AP1G1: variants seen among roughly 807,000 people sequenced by gnomAD.
The protein encoded by AP1G1 is adaptor related protein complex 1 subunit gamma 1.
AP1G1 carries 7 observed loss-of-function variants against 108.3 expected under a neutral mutation model. That is an observed-to-expected ratio of 0.06 (90% CI 0.04 to 0.12). The LOEUF (loss-of-function observed/expected upper bound fraction) is 0.12, where lower values mean the gene tolerates loss of function less well. AP1G1 is among the 10% of genes least tolerant of loss of function. AP1G1 has a pLI of 1.00. For missense variants in AP1G1, 756 were observed against 1,010.7 expected, an observed-to-expected ratio of 0.75 and a Z score of 3.42; for synonymous variants, 379 against 353.5, an observed-to-expected ratio of 1.07 and a Z score of -0.81.
At chr16:71,758,950 G>A (rs1273825510) in intron 10 of AP1G1, 29 bp from the exon 11 acceptor site, 1 of 1,309,066 alleles carries the variant, frequency 7.6e-7, no homozygotes, top group Non-Finnish European at 1.1e-6. Flanking sequence ...AAATAACAGA[G>A]TTAAAATGTA....
At chr16:71,747,241 G>A (rs1018139910) in intron 16 of AP1G1, 11 of 152,100 alleles carry the variant, frequency 7.2e-5, no homozygotes, top group African/African-American at 1.5e-4. Context: ...AGTGACCTGA[G>A]AATCTACTTT....
At chr16:71,786,617 T>A (rs935826874) in intron 2 of AP1G1, among the ~76,000 whole-genome samples, 2 of 152,038 alleles carry the variant, frequency 1.3e-5, no homozygotes, top group Non-Finnish European at 2.9e-5. Context: ...CGCACCACCA[T>A]GCCCAGCTAA....
intron 22 of AP1G1, among the ~76,000 whole-genome samples, 181 bp from the exon 23 acceptor site, chr16:71,733,340 CAAT>C (rs1159301143): frequency 6.6e-6 from 1 of 152,192 alleles, no homozygotes; most frequent in African/African-American, 2.4e-5. Flanking sequence ...AAGAAGCTAA[CAAT>C]GTCATGCCAC....
At chr16:71,777,471 G>C (rs78686396) in intron 2 of AP1G1, 18,078 of 213,592 alleles carry the variant, frequency 0.085, 864 homozygotes, top group African/African-American at 0.1. Context: ...AAGCTGGGGA[G>C]AAAGAAGAGG....
At position 71,745,063 on chromosome 16, in the gene AP1G1, C is replaced by T; in HGVS notation, c.1999+81G>A. On this transcript the variant is annotated intron_variant, in intron 19 of 22. Coordinates refer to ENST00000299980, the MANE Select transcript of AP1G1 (RefSeq NM_001128.6). ...CTCCCATCTTCAAATGATTCACGTGCTGGAAAGTCTGGGTTCAGTTTAGTT... is the reference window on the plus strand; with the variant it reads ...CTCCCATCTTCAAATGATTCACGTGTTGGAAAGTCTGGGTTCAGTTTAGTT... 5 of 1,501,552 alleles carry T rather than the reference C, an allele frequency of 3.3e-6. No individual in the cohort carries two copies. The South Asian group carries it at 3.6e-5, about 11-fold the overall frequency. 93.0% of individuals were successfully genotyped at this position (1,501,552 alleles called of 1,614,324 possible).
chr16:71,790,843 A>G (rs1380065260), intron 1 of AP1G1, among the ~76,000 whole-genome samples: 4 of 152,300 alleles, frequency 2.6e-5, no homozygotes, highest in Non-Finnish European at 4.4e-5. Context: ...TTCACACACA[A>G]CCACAAAGTA....
intron 1 of AP1G1, among the ~76,000 whole-genome samples, chr16:71,793,842 T>C (rs2032488357): frequency 6.6e-6 from 1 of 152,156 alleles, no homozygotes; most frequent in Non-Finnish European, 1.5e-5. Context: ...CCCAAGTAGC[T>C]GGGACTACAG....
rs978765270 is a variant in AP1G1 at position 71,746,202 on chromosome 16, G to C, written c.1730+386C>G. On this transcript the variant is annotated intron_variant, in intron 17 of 22. Coordinates refer to ENST00000299980, the MANE Select transcript of AP1G1 (RefSeq NM_001128.6). ...TTTTTTTGTATTTTTAGTAGAGACG[G>C]GGTTTCACCATGTTGGCCAGGATGG... 3.3e-5 allele frequency among the ~76,000 whole-genome samples: 5 copies of C among 152,154 alleles called. No individual in the cohort carries two copies. In the East Asian group the frequency reaches 9.6e-4, roughly 29 times the overall value.
intron 2 of AP1G1, among the ~76,000 whole-genome samples, chr16:71,776,346 A>C (rs2031779760): frequency 6.6e-6 from 1 of 152,212 alleles, no homozygotes; most frequent in South Asian, 2.1e-4. Flanking sequence ...CAAAAAGGAA[A>C]ACATAAATGC....
chr16:71,808,816 C>G lies in AP1G1; in HGVS notation c.-57G>C, dbSNP rs182523578. On this transcript the variant is annotated 5_prime_UTR_variant, in exon 1 of 23. Coordinates refer to ENST00000299980, the MANE Select transcript of AP1G1 (RefSeq NM_001128.6). ...GCTCCGGGGGCGGCGGCAGCAGTGG[C>G]AGCAGGAACCGAACATCCAAAATGG... 7.8e-7 allele frequency: 1 copy of G among 1,289,742 alleles called. No homozygotes were observed. The highest frequency in any genetic ancestry group is 1.5e-5 in the African/African-American group (1 of 65,994). 79.9% of individuals were successfully genotyped at this position (1,289,742 alleles called of 1,614,324 possible). A position where few individuals can be genotyped will look rare whatever the true frequency, so the allele number is the denominator to read the frequency against.
intron 4 of AP1G1, 171 bp downstream of exon 4, chr16:71,773,050 T>C (rs1296013766): frequency 3.8e-6 from 3 of 789,632 alleles, no homozygotes; most frequent in Non-Finnish European, 6.3e-6. Flanking sequence ...TTATAAATCA[T>C]TTCCTTAAGA....
At position 71,764,451 on chromosome 16, in the gene AP1G1, G is replaced by GA. The variant is rs763084846; in HGVS notation, c.820-4dup. ...CTAGTCTCAGTATTAGTGGCAACCT[G>GA]AAAAGACATATCGAGGGCAGTACAT... On this transcript the variant is annotated splice_polypyrimidine_tract_variant and splice_region_variant and intron_variant, in intron 8 of 22. Transcript: ENST00000299980. 7.0e-6 allele frequency: 11 copies of GA among 1,581,834 alleles called. No individual in the cohort carries two copies. The African/African-American group carries it at 1.2e-4, about 17-fold the overall frequency.
intron 13 of AP1G1, among the ~76,000 whole-genome samples, chr16:71,752,612 T>C (rs1327761040): frequency 6.6e-6 from 1 of 152,162 alleles, no homozygotes; most frequent in Non-Finnish European, 1.5e-5. Context: ...TACATACACA[T>C]TTTTGTGTAC....
intron 13 of AP1G1, chr16:71,753,503 T>G (rs1353971095): frequency 4.6e-6 from 1 of 218,804 alleles, no homozygotes; most frequent in East Asian, 1.1e-4. Flanking sequence ...TAGGGTTCCC[T>G]CCGTATGGTA....
At chr16:71,750,443 C>T in intron 13 of AP1G1, 111 bp from the exon 14 acceptor site, 8 of 1,324,992 alleles carry the variant, frequency 6.0e-6, no homozygotes, top group Admixed American at 2.0e-5. Context: ...GAGACAGAGT[C>T]TCGCTCTGTC....
chr16:71,781,474 G>A (rs1365636038), intron 2 of AP1G1, among the ~76,000 whole-genome samples: 1 of 152,066 alleles, frequency 6.6e-6, no homozygotes, highest in Non-Finnish European at 1.5e-5. Context: ...TGTGTACTGG[G>A]CCTCAATCTC....
At chr16:71,758,583 T>A (rs1351909714) in intron 11 of AP1G1, 11 of 606,052 alleles carry the variant, frequency 1.8e-5, no homozygotes, top group Non-Finnish European at 3.4e-5. Context: ...TGCACTTAAG[T>A]ATTCTTATTG....
intron 1 of AP1G1, chr16:71,808,382 C>G: frequency 3.2e-6 from 3 of 941,586 alleles, no homozygotes; most frequent in South Asian, 3.4e-5. Context: ...GACACAAGAA[C>G]GCTGATACGT....
At chr16:71,756,539 A>G (rs192487442) in intron 11 of AP1G1, among the ~76,000 whole-genome samples, 1 of 152,334 alleles carries the variant, frequency 6.6e-6, no homozygotes, top group East Asian at 1.9e-4. Context: ...CTCATTCCTT[A>G]AAAATGTGAC....
Sources: allele counts gnomAD v4.1 joint callset (sites outside exome capture counted in the v4.1 genomes callset), GRCh38; gene constraint gnomAD v4.1.1; transcripts MANE v1.5; gene names NCBI Gene and HGNC (gene_info 2026-07-23, HGNC 2026-07-21).